KCNQ5: variants seen among roughly 807,000 people sequenced by gnomAD.
KCNQ5 encodes the protein potassium voltage-gated channel subfamily Q member 5.
Under a neutral mutation model 98.2 loss-of-function variants are expected in KCNQ5, and 30 were observed. That is an observed-to-expected ratio of 0.31 (90% CI 0.23 to 0.41). The LOEUF (loss-of-function observed/expected upper bound fraction) is 0.41. Among genes scored for constraint, KCNQ5 ranks in the 10% least tolerant of loss-of-function variants. The probability of loss-of-function intolerance (pLI) is 1.00; values close to 1 mark genes in which losing one functional copy is unlikely to be tolerated. For missense variants in KCNQ5, 835 were observed against 1,182.5 expected, an observed-to-expected ratio of 0.71 and a Z score of 4.31; for synonymous variants, 458 against 449.4, an observed-to-expected ratio of 1.02 and a Z score of -0.24.
At chr6:73,182,031 T>C (rs1778418646) in intron 11 of KCNQ5, among the ~76,000 whole-genome samples, 1 of 152,154 alleles carries the variant, frequency 6.6e-6, no homozygotes. Flanking sequence ...CAAACTTCTT[T>C]TGTAAGCATG....
Position 72,622,252 on chromosome 6 carries a change from C to CGCA in KCNQ5, c.66_68dup (p.Ala27dup). On this transcript the variant is annotated inframe_insertion, in exon 1 of 14. Coordinates refer to ENST00000370398, the MANE Select transcript of KCNQ5 (RefSeq NM_019842.4). This position sits in a 1 kb window ranked among gnomAD's most constrained non-coding sequence, Gnocchi z 6.0. ...CCGCCGGGCTCTGGGTGAAGAGCGG[C>CGCA]GCAGCGGCGGCGGCGGCGGGCGGGG... The CGCA allele has an allele frequency of 5.5e-6, 7 of 1,266,648 alleles. No individual in the cohort carries two copies. Among genetic ancestry groups the CGCA allele is most frequent in the Non-Finnish European group, 6.9e-6 (7 of 1,010,560 alleles). The allele number at this position is 1,266,648 out of a possible 1,614,324, so 78.5% of individuals were successfully genotyped here. A position where few individuals can be genotyped will look rare whatever the true frequency, so the allele number is the denominator to read the frequency against.
chr6:72,787,774 T>C (rs900012532), intron 1 of KCNQ5, among the ~76,000 whole-genome samples: 4 of 152,206 alleles, frequency 2.6e-5, no homozygotes, highest in Admixed American at 2.0e-4. Context: ...TTGATGTTCC[T>C]ACATTTCCAA....
At chr6:72,812,459 C>A (rs553267530) in intron 1 of KCNQ5, among the ~76,000 whole-genome samples, 2 of 152,268 alleles carry the variant, frequency 1.3e-5, no homozygotes, top group South Asian at 4.1e-4. Flanking sequence ...TAGGGAATAT[C>A]ATTTATACTC....
chr6:73,176,436 A>G (rs955885162), intron 11 of KCNQ5, among the ~76,000 whole-genome samples: 2 of 152,236 alleles, frequency 1.3e-5, no homozygotes, highest in African/African-American at 4.8e-5. Flanking sequence ...CACAGCCTGC[A>G]GAACCATGAG....
At position 72,906,738 on chromosome 6, in the gene KCNQ5, G is replaced by A. The variant is rs76528379; in HGVS notation, c.399-97170G>A. The stretch of plus-strand genomic sequence containing the variant: ...CCCACTTCCACATTTGGGCACACAC[G>A]GTATTTGGGGTGTCTTCCAGGTCCT... On this transcript the variant is annotated intron_variant, in intron 1 of 13. Coordinates refer to ENST00000370398, the MANE Select transcript of KCNQ5 (RefSeq NM_019842.4). 2.4e-3 allele frequency among the ~76,000 whole-genome samples: 369 copies of A among 152,336 alleles called. 14 individuals are homozygous for A. The East Asian group carries it at 0.059, about 24-fold the overall frequency.
intron 1 of KCNQ5, among the ~76,000 whole-genome samples, chr6:72,778,016 C>T (rs904033833): frequency 6.6e-6 from 1 of 152,086 alleles, no homozygotes; most frequent in Non-Finnish European, 1.5e-5. Flanking sequence ...GGAAGGCATG[C>T]AATTTGAAAG....
intron 1 of KCNQ5, among the ~76,000 whole-genome samples, chr6:72,627,337 C>G (rs969335712): frequency 6.6e-6 from 1 of 152,024 alleles, no homozygotes; most frequent in Non-Finnish European, 1.5e-5. Context: ...ACACCAACAC[C>G]AAGCAGTGGA....
chr6:72,882,969 T>C (rs1224166304), intron 1 of KCNQ5, among the ~76,000 whole-genome samples: 2 of 152,152 alleles, frequency 1.3e-5, no homozygotes, highest in Non-Finnish European at 2.9e-5. Context: ...ATCTTCAACT[T>C]GATTTAGATA....
chr6:72,809,301 G>C (rs1020036287), intron 1 of KCNQ5, among the ~76,000 whole-genome samples: 6 of 149,814 alleles, frequency 4.0e-5, no homozygotes, highest in African/African-American at 1.5e-4. Context: ...TAGATGACGA[G>C]TTAGTGGGTG....
chr6:72,906,988 T>G (rs1376516793), intron 1 of KCNQ5, among the ~76,000 whole-genome samples: 1 of 152,204 alleles, frequency 6.6e-6, no homozygotes, highest in African/African-American at 2.4e-5. Context: ...TGGGGTCATG[T>G]TTTTCTTAAA....
intron 1 of KCNQ5, among the ~76,000 whole-genome samples, chr6:72,995,951 C>A (rs557549579): frequency 1.3e-5 from 2 of 152,238 alleles, no homozygotes; most frequent in Non-Finnish European, 2.9e-5. Context: ...GTTACTTGGT[C>A]AAATATATCC....
chr6:72,845,386 C>T (rs563864872), intron 1 of KCNQ5, among the ~76,000 whole-genome samples: 1 of 152,186 alleles, frequency 6.6e-6, no homozygotes. Flanking sequence ...TTTTAGAACA[C>T]CATCTCACTT....
At chr6:72,717,651 G>A (rs1769713257) in intron 1 of KCNQ5, among the ~76,000 whole-genome samples, 1 of 152,086 alleles carries the variant, frequency 6.6e-6, no homozygotes, top group South Asian at 2.1e-4. Flanking sequence ...CTCAATCTTA[G>A]CATTAACCAC....
At chr6:72,901,850 G>T (rs910394530) in intron 1 of KCNQ5, among the ~76,000 whole-genome samples, 9 of 152,050 alleles carry the variant, frequency 5.9e-5, no homozygotes, top group African/African-American at 1.9e-4. Context: ...GGTTCCATAT[G>T]AATTTTATCA....
chr6:72,850,687 G>T (rs1166292328), intron 1 of KCNQ5, among the ~76,000 whole-genome samples: 1 of 152,168 alleles, frequency 6.6e-6, no homozygotes, highest in African/African-American at 2.4e-5. Flanking sequence ...CACAGCCATA[G>T]CTGGAGCTTC....
At chr6:72,822,605 C>T (rs566218447) in intron 1 of KCNQ5, among the ~76,000 whole-genome samples, 1 of 152,110 alleles carries the variant, frequency 6.6e-6, no homozygotes, top group South Asian at 2.1e-4. Flanking sequence ...TTGTTTTTTT[C>T]TTAAATAATA....
At chr6:73,092,268 G>A (rs1029602821) in intron 5 of KCNQ5, among the ~76,000 whole-genome samples, 1 of 152,122 alleles carries the variant, frequency 6.6e-6, no homozygotes, top group Admixed American at 6.6e-5. Flanking sequence ...CAAGTTCTAG[G>A]AGCTTTCTGG....
intron 1 of KCNQ5, among the ~76,000 whole-genome samples, chr6:72,731,515 CT>C (rs539467696): frequency 3.3e-5 from 5 of 152,214 alleles, no homozygotes; most frequent in Non-Finnish European, 5.9e-5. Flanking sequence ...ATTCAGGCTT[CT>C]TTTTTTCCCT....
Position 72,764,170 on chromosome 6 carries a change from G to GA in KCNQ5, c.398+141591dup, listed in dbSNP as rs201548573. On this transcript the variant is annotated intron_variant, in intron 1 of 13. Coordinates refer to ENST00000370398, the MANE Select transcript of KCNQ5 (RefSeq NM_019842.4). ...ATGTTCATATGTGACATCTAATAAT[G>GA]AAAAAAAACACTCTGTTAGTTTAAT... Among the ~76,000 whole-genome samples, 401 of 151,130 alleles carry GA rather than the reference G, an allele frequency of 2.7e-3. 3 individuals are homozygous for GA. The highest frequency in any genetic ancestry group is 0.014 in the Admixed American group (209 of 15,158).
Sources: gnomAD v4.1 joint callset for allele counts (sites outside exome capture counted in the v4.1 genomes callset) on GRCh38, gnomAD v4.1.1 for gene constraint, Gnocchi (gnomAD v3.1) non-coding constraint, MANE v1.5 for transcripts, NCBI Gene and HGNC (gene_info 2026-07-23, HGNC 2026-07-21) for gene names.